Variants in TRPM3 observed in about 807,000 individuals in gnomAD.
TRPM3 encodes the protein transient receptor potential cation channel subfamily M member 3, also known as long transient receptor potential channel 3.
TRPM3 carries 77 observed loss-of-function variants against 181.2 expected under a neutral mutation model. The ratio of observed to expected loss-of-function variants is 0.42; its 90% CI spans 0.35 to 0.51. The LOEUF is 0.51. Ranked by LOEUF, TRPM3 falls within the 20% of genes least tolerant of loss-of-function variation. TRPM3 has a pLI of 0.01. For synonymous variants in TRPM3, 745 were observed against 796.4 expected (o/e 0.94, Z 1.09); for missense variants, 1,759 against 2,196.7 (o/e 0.80, Z 3.98).
chr9:71,327,143 G>A (rs1042859835), intron 1 of TRPM3, among the ~76,000 whole-genome samples: 1 of 152,182 alleles, frequency 6.6e-6, no homozygotes, highest in Non-Finnish European at 1.5e-5. Flanking sequence ...ATCTTCCTTG[G>A]ACCACGGCAT....
intron 1 of TRPM3, among the ~76,000 whole-genome samples, chr9:71,317,706 C>A (rs554280223): frequency 6.6e-6 from 1 of 151,354 alleles, no homozygotes; most frequent in Non-Finnish European, 1.5e-5. Flanking sequence ...CGCACACGCG[C>A]GAGAGAGAAG....
At chr9:71,093,493 T>C (rs1177557718) in intron 1 of TRPM3, among the ~76,000 whole-genome samples, 3 of 151,982 alleles carry the variant, frequency 2.0e-5, no homozygotes, top group African/African-American at 7.2e-5. Context: ...AAAAATCTTA[T>C]CAGCACTGGT....
intron 1 of TRPM3, among the ~76,000 whole-genome samples, chr9:70,961,238 C>T (rs1043825730): frequency 1.8e-4 from 28 of 152,060 alleles, no homozygotes; most frequent in African/African-American, 6.3e-4. Flanking sequence ...CAGGTGGTCT[C>T]TAGAAGCTGG....
intron 1 of TRPM3, among the ~76,000 whole-genome samples, chr9:71,240,740 C>G (rs2081616027): frequency 6.6e-6 from 1 of 152,030 alleles, no homozygotes; most frequent in Admixed American, 6.6e-5. Flanking sequence ...AGAGAGGTTG[C>G]AAGAGAGAAG....
chr9:70,835,674 G>A (rs1405165849), intron 5 of TRPM3, among the ~76,000 whole-genome samples: 1 of 151,998 alleles, frequency 6.6e-6, no homozygotes, highest in Non-Finnish European at 1.5e-5. Context: ...TATCCTCTGT[G>A]TCTCACTGTC....
chr9:70,640,335 T>C (rs2057864585), intron 10 of TRPM3, among the ~76,000 whole-genome samples: 1 of 152,208 alleles, frequency 6.6e-6, no homozygotes, highest in South Asian at 2.1e-4. Flanking sequence ...AGACAACTCA[T>C]AGAGATGGAA....
intron 4 of TRPM3, 121 bp downstream of exon 4, chr9:70,846,257 A>G: frequency 3.4e-6 from 3 of 888,200 alleles, no homozygotes; most frequent in South Asian, 1.5e-5. Context: ...ACCAGCAACT[A>G]TGGACCCATG....
intron 1 of TRPM3, among the ~76,000 whole-genome samples, chr9:71,312,943 T>TTG (rs1351590976): frequency 6.6e-6 from 1 of 152,056 alleles, no homozygotes; most frequent in Non-Finnish European, 1.5e-5. Flanking sequence ...GGCAGTGAAA[T>TTG]TGCTCTGTAT....
intron 8 of TRPM3, among the ~76,000 whole-genome samples, chr9:70,748,716 G>T (rs537555092): frequency 2.0e-5 from 3 of 152,062 alleles, no homozygotes; most frequent in Admixed American, 6.6e-5. Context: ...TACTGAATCT[G>T]CCAGAGTCTT....
At chr9:71,323,462 C>G (rs892098681) in intron 1 of TRPM3, among the ~76,000 whole-genome samples, 1 of 152,006 alleles carries the variant, frequency 6.6e-6, no homozygotes, top group Admixed American at 6.6e-5. Flanking sequence ...GAAAATTGAT[C>G]TGAATGTTAA....
intron 1 of TRPM3, among the ~76,000 whole-genome samples, chr9:71,415,153 G>A (rs1412112358): frequency 1.3e-5 from 2 of 152,028 alleles, no homozygotes; most frequent in Non-Finnish European, 2.9e-5. Context: ...GTGGAGTGAT[G>A]CGGCTACAAG....
In TRPM3 at chr9:71,412,602, G is replaced by A. The variant is rs906237844; in HGVS notation, c.183+34051C>T. 3.9e-3 allele frequency among the ~76,000 whole-genome samples: 597 copies of A among 151,744 alleles called. 6 individuals are homozygous for A. Among genetic ancestry groups the A allele is most frequent in the African/African-American group, 0.014 (555 of 41,066 alleles). Reference sequence around the variant, plus strand: ...TCATTAAAAAGTCAGGAAACAACAGGTGCTGGAGAGGATGTGGAGAAATAG... The same window carrying A: ...TCATTAAAAAGTCAGGAAACAACAGATGCTGGAGAGGATGTGGAGAAATAG... On this transcript the variant is annotated intron_variant, in intron 1 of 24. Coordinates refer to the TRPM3 transcript ENST00000357533.
chr9:70,780,223 G>T (rs1274581964), intron 7 of TRPM3, among the ~76,000 whole-genome samples: 1 of 152,090 alleles, frequency 6.6e-6, no homozygotes, highest in Non-Finnish European at 1.5e-5. Context: ...CTCTATAGCT[G>T]AATAGTTCTT....
chr9:71,053,957 TG>T (rs1224265090), intron 1 of TRPM3, among the ~76,000 whole-genome samples: 1 of 152,108 alleles, frequency 6.6e-6, no homozygotes, highest in African/African-American at 2.4e-5. Context: ...GGAGAATCAC[TG>T]GAGCACAGAG....
chr9:71,256,284 A>G (rs1342535947), intron 1 of TRPM3, among the ~76,000 whole-genome samples: 3 of 152,114 alleles, frequency 2.0e-5, no homozygotes, highest in Non-Finnish European at 4.4e-5. Flanking sequence ...CTCTGATTTC[A>G]TTATAGTCCT....
In TRPM3 at chr9:70,604,961, C is replaced by CTTTTTTTTT. The variant is rs1554774923; in HGVS notation, c.2668-1492_2668-1491insAAAAAAAAA. Among the ~76,000 whole-genome samples the CTTTTTTTTT allele has an allele frequency of 1.0e-3, 5 of 4,912 alleles. No individual in the cohort carries two copies. In the South Asian group the frequency reaches 0.042, roughly 42 times the overall value. 3.2% of individuals were successfully genotyped at this position (4,912 alleles called of 152,430 possible). ...GCCACCATGCTCAGCTGAATGGATT[C>CTTTTTTTTT]TTCTTTTTTTTTGGAGACTGAGTCT... On this transcript the variant is annotated intron_variant, in intron 19 of 25. Coordinates refer to ENST00000677713, the MANE Select transcript of TRPM3 (RefSeq NM_001366145.2).
At chr9:70,876,513 T>C (rs1049569920) in intron 1 of TRPM3, among the ~76,000 whole-genome samples, 12 of 151,646 alleles carry the variant, frequency 7.9e-5, no homozygotes, top group Non-Finnish European at 1.5e-4. Context: ...TTTTAAAAGA[T>C]AAAGTGAGTT....
intron 1 of TRPM3, among the ~76,000 whole-genome samples, chr9:70,913,392 C>T (rs1331284171): frequency 6.6e-6 from 1 of 152,096 alleles, no homozygotes; most frequent in East Asian, 1.9e-4. Flanking sequence ...ATTGCATTGG[C>T]CAGGATCATT....
intron 1 of TRPM3, among the ~76,000 whole-genome samples, chr9:70,980,235 T>G (rs1483406613): frequency 6.6e-6 from 1 of 152,048 alleles, no homozygotes; most frequent in East Asian, 1.9e-4. Flanking sequence ...CTCTTTTCAT[T>G]TAGCTAGAAA....
Sources: allele counts gnomAD v4.1 joint callset (sites outside exome capture counted in the v4.1 genomes callset), GRCh38; gene constraint gnomAD v4.1.1; transcripts MANE v1.5; gene names NCBI Gene and HGNC (gene_info 2026-07-23, HGNC 2026-07-21).